Variants in DRC11 observed in about 807,000 individuals in gnomAD.
DRC11 encodes dynein regulatory complex subunit 11.
chr2:236,338,394 A>AG, the DRC11 span: 21 of 1,480,188 alleles, frequency 1.4e-5, no homozygotes, highest in African/African-American at 2.4e-5. Context: ...TGGGAGAGAG[A>AG]AAAAAAAATT....
chr2:236,319,583 A>G, the DRC11 span, among the ~76,000 whole-genome samples: 1 of 152,196 alleles, frequency 6.6e-6, no homozygotes. This position sits in a 1 kb window ranked among gnomAD's most constrained non-coding sequence, Gnocchi z 6.7. Context: ...ACCAGTATGC[A>G]GTGGAGAGGC....
At chr2:236,372,040 T>A in the DRC11 span, among the ~76,000 whole-genome samples, 1 of 152,240 alleles carries the variant, frequency 6.6e-6, no homozygotes, top group African/African-American at 2.4e-5. The surrounding 1 kb of genome is among the most constrained non-coding windows in gnomAD (Gnocchi z 4.5). Flanking sequence ...GTGGTTTTAA[T>A]GTTTTTTAAA....
the DRC11 span, chr2:236,344,703 C>T: frequency 2.4e-6 from 3 of 1,272,128 alleles, no homozygotes; most frequent in South Asian, 3.8e-5. Flanking sequence ...GTGTGCAGAG[C>T]CCTGGTTGTA....
the DRC11 span, among the ~76,000 whole-genome samples, chr2:236,366,778 C>CCTCCCTCCCTCTCCCT: frequency 7.5e-6 from 1 of 134,026 alleles, no homozygotes; most frequent in Non-Finnish European, 1.7e-5. Context: ...TCCCTCCCTC[C>CCTCCCTCCCTCTCCCT]CTCCCTCTCC....
At chr2:236,313,212 A>G in the DRC11 span, among the ~76,000 whole-genome samples, 1 of 152,320 alleles carries the variant, frequency 6.6e-6, no homozygotes, top group African/African-American at 2.4e-5. The surrounding 1 kb of genome is among the most constrained non-coding windows in gnomAD (Gnocchi z 4.5). Flanking sequence ...CAAGAGAAGA[A>G]AGTTATAAAA....
At chr2:236,369,602 A>G in the DRC11 span, among the ~76,000 whole-genome samples, 1 of 152,242 alleles carries the variant, frequency 6.6e-6, no homozygotes, top group Non-Finnish European at 1.5e-5. This position sits in a 1 kb window ranked among gnomAD's most constrained non-coding sequence, Gnocchi z 4.5. Context: ...ATTAATCTCC[A>G]GATGCACCAT....
the DRC11 span, among the ~76,000 whole-genome samples, chr2:236,473,999 T>A: frequency 6.6e-6 from 1 of 152,166 alleles, no homozygotes; most frequent in Admixed American, 6.5e-5. This position sits in a 1 kb window ranked among gnomAD's most constrained non-coding sequence, Gnocchi z 4.8. Context: ...AAAAAATAAA[T>A]TTTAAAATGA....
At chr2:236,486,697 T>C in the DRC11 span, 46 of 662,754 alleles carry the variant, frequency 6.9e-5, no homozygotes, top group East Asian at 4.9e-4. The surrounding 1 kb of genome is among the most constrained non-coding windows in gnomAD (Gnocchi z 5.7). Flanking sequence ...CTGTACCATA[T>C]GGGTGACTCC....
chr2:236,358,376 T>G, the DRC11 span, among the ~76,000 whole-genome samples: 1 of 94,644 alleles, frequency 1.1e-5, no homozygotes, highest in Middle Eastern at 4.5e-3. Flanking sequence ...TATATAGATA[T>G]ATATTTATGA....
chr2:236,439,494 A>G, the DRC11 span, among the ~76,000 whole-genome samples: 2 of 152,192 alleles, frequency 1.3e-5, no homozygotes, highest in Non-Finnish European at 2.9e-5. Context: ...GAGTCTTTTT[A>G]TCCAGATAAA....
the DRC11 span, chr2:236,465,846 G>A: frequency 1.6e-6 from 1 of 635,202 alleles, no homozygotes; most frequent in Non-Finnish European, 2.8e-6. The surrounding 1 kb of genome is among the most constrained non-coding windows in gnomAD (Gnocchi z 6.2). Flanking sequence ...AGCATCCAGA[G>A]GAAGCAAAGC....
At chr2:236,470,183 G>GA in the DRC11 span, among the ~76,000 whole-genome samples, 1 of 152,286 alleles carries the variant, frequency 6.6e-6, no homozygotes, top group South Asian at 2.1e-4. The surrounding 1 kb of genome is among the most constrained non-coding windows in gnomAD (Gnocchi z 5.1). Context: ...ATTAGTAAGA[G>GA]AAAATGGACA....
At chr2:236,339,427 T>G in the DRC11 span, among the ~76,000 whole-genome samples, 30,284 of 152,158 alleles carry the variant, frequency 0.2, 3,143 homozygotes, top group African/African-American at 0.26. Context: ...TTTTGATGAG[T>G]TGCAATTTTC....
the DRC11 span, chr2:236,408,106 G>T: frequency 3.1e-6 from 2 of 639,388 alleles, no homozygotes; most frequent in South Asian, 1.4e-5. This position sits in a 1 kb window ranked among gnomAD's most constrained non-coding sequence, Gnocchi z 5.5. Flanking sequence ...TTCACCATAT[G>T]GGACAAAGCC....
chr2:236,493,160 G>C, the DRC11 span, among the ~76,000 whole-genome samples: 2 of 152,122 alleles, frequency 1.3e-5, no homozygotes, highest in Non-Finnish European at 2.9e-5. Context: ...AGTTTGTGCA[G>C]GGAAACTCCC....
chr2:236,402,934 C>A, the DRC11 span, among the ~76,000 whole-genome samples: 1 of 152,152 alleles, frequency 6.6e-6, no homozygotes, highest in South Asian at 2.1e-4. This position sits in a 1 kb window ranked among gnomAD's most constrained non-coding sequence, Gnocchi z 6.0. Flanking sequence ...TATTATTTAT[C>A]ATCTGTCTGT....
At chr2:236,505,716 G>C in the DRC11 span, among the ~76,000 whole-genome samples, 10 of 152,152 alleles carry the variant, frequency 6.6e-5, no homozygotes, top group Middle Eastern at 3.4e-3. Flanking sequence ...CTTCCTACCT[G>C]TTCCATTGTT....
At chr2:236,418,682 T>G in the DRC11 span, among the ~76,000 whole-genome samples, 1 of 152,206 alleles carries the variant, frequency 6.6e-6, no homozygotes. Flanking sequence ...TCTGATTTCC[T>G]TTGGTAACAA....
the DRC11 span, among the ~76,000 whole-genome samples, chr2:236,447,062 TC>T: frequency 1.3e-5 from 2 of 151,468 alleles, no homozygotes. The surrounding 1 kb of genome is among the most constrained non-coding windows in gnomAD (Gnocchi z 4.6). Context: ...CTTCCTGAGC[TC>T]CCAGCCTCCT....
Sources: allele counts gnomAD v4.1 joint callset (sites outside exome capture counted in the v4.1 genomes callset), GRCh38; gene constraint gnomAD v4.1.1; non-coding constraint Gnocchi (gnomAD v3.1); transcripts MANE v1.5; gene names NCBI Gene and HGNC (gene_info 2026-07-23, HGNC 2026-07-21).